Variants in SYTL4 observed in about 807,000 individuals in gnomAD.
SYTL4 encodes the protein synaptotagmin-like protein 4.
A neutral mutation model predicts 52.7 loss-of-function variants in SYTL4; 16 were observed. The observed-to-expected ratio is 0.30, with a 90% CI of 0.21 to 0.46. The LOEUF (loss-of-function observed/expected upper bound fraction) is 0.46, where lower values mean the gene tolerates loss of function less well. Ranked by LOEUF, SYTL4 falls within the 20% of genes least tolerant of loss-of-function variation. The pLI, the probability that SYTL4 is intolerant of heterozygous loss-of-function variation, is 1.00. For missense variants in SYTL4, 423 were observed against 519.9 expected, an observed-to-expected ratio of 0.81 and a Z score of 1.81; for synonymous variants, 160 against 186.6, an observed-to-expected ratio of 0.86 and a Z score of 1.16.
chrX:100,698,701 C>T, intron 8 of SYTL4, among the ~76,000 whole-genome samples: 1 of 111,952 alleles, frequency 8.9e-6, no homozygotes, highest in Non-Finnish European at 1.9e-5. Context: ...AATATAGCAC[C>T]TGCAAGCTCT....
intron 13 of SYTL4, chrX:100,687,676 A>G: frequency 8.2e-6 from 1 of 122,145 alleles, no homozygotes; most frequent in Non-Finnish European, 1.7e-5. Context: ...CTTATGTCTT[A>G]TCAGGGCCTA....
intron 2 of SYTL4, among the ~76,000 whole-genome samples, chrX:100,716,624 C>T (rs1404848065): frequency 2.8e-5 from 3 of 107,384 alleles, no homozygotes; most frequent in Non-Finnish European, 5.8e-5. Context: ...CTAAAATCCC[C>T]TTGTCTGGAT....
chrX:100,678,407 C>T lies in SYTL4; in HGVS notation c.1851G>A (p.Arg617=), dbSNP rs911282881. 9 of 1,207,058 alleles carry T rather than the reference C, an allele frequency of 7.5e-6. No homozygotes were observed. Among genetic ancestry groups the T allele is most frequent in the Non-Finnish European group, 1.0e-5 (9 of 893,028 alleles). Residue 617 remains arginine (R), a synonymous_variant, in exon 19 of 20, where the codon AGG becomes AGA. Transcript: ENST00000372989. ...GGATCTCACCAGTGCCAACACCCAG[C>T]CTGACCCCTCCCAGGAAGTCATTGC... ...LASNDFLGGV[R]LGVGTGISNG...
intron 8 of SYTL4, among the ~76,000 whole-genome samples, chrX:100,696,566 T>C (rs1047105904): frequency 8.0e-5 from 9 of 111,989 alleles, no homozygotes; most frequent in Non-Finnish European, 1.9e-5. Flanking sequence ...CTGTTCAAAT[T>C]TTTTGTGCAT....
intron 15 of SYTL4, 80 bp from the exon 16 acceptor site, chrX:100,686,231 C>G: frequency 9.9e-7 from 1 of 1,009,347 alleles, no homozygotes; most frequent in Non-Finnish European, 1.3e-6. Flanking sequence ...CCTGAGCAAC[C>G]ATTCCTGAAG....
intron 19 of SYTL4, among the ~76,000 whole-genome samples, chrX:100,676,643 C>A (rs976285539): frequency 1.8e-5 from 2 of 111,041 alleles, no homozygotes; most frequent in Non-Finnish European, 3.8e-5. Flanking sequence ...CGCCACCACG[C>A]CCAGCTAATT....
At chrX:100,726,240 T>C (rs191088681) in intron 2 of SYTL4, among the ~76,000 whole-genome samples, 110 of 110,955 alleles carry the variant, frequency 9.9e-4, no homozygotes, top group African/African-American at 3.1e-3. Context: ...TAAAACTTTT[T>C]TCCAGTTTTA....
rs2083369682 is a variant in SYTL4 at position 100,681,306 on chromosome X, T to C, written c.1479A>G (p.Pro493=). 1 of 1,211,058 alleles carries C rather than the reference T, an allele frequency of 8.3e-7. No homozygotes were observed. Among genetic ancestry groups the C allele is most frequent in the Non-Finnish European group, 1.1e-6 (1 of 894,985 alleles). The change falls in exon 17 of 20, where the codon CCA becomes CCG. Residue 493 remains proline (P), a synonymous_variant. Coordinates refer to ENST00000372989, the MANE Select transcript of SYTL4 (RefSeq NM_001370165.1). ...KISAESPTGL[P]SHKGELVVSL... is the part of the protein sequence containing the mutation. ...AAACCACCAACTCGCCTTTGTGTGA[T>C]GGCAAGCCAGTCGGGGACTCAGCAC...
In SYTL4 at chrX:100,701,641, C is replaced by T. The variant is rs984971149; in HGVS notation, c.143G>A (p.Arg48Lys). 12 of 1,211,696 alleles carry T rather than the reference C, an allele frequency of 9.9e-6. No homozygotes were observed. The highest frequency in any genetic ancestry group is 1.2e-5 in the Non-Finnish European group (11 of 895,527). Residue 48 changes from arginine to lysine, a missense_variant, in exon 6 of 20, where the codon AGG becomes AAG. Arg to Lys is a conservative substitution (Grantham distance 26). Transcript: ENST00000372989. ...RLKNELLEIK[R>K]KGAKRGSQHY... is the part of the protein sequence containing the mutation. The stretch of plus-strand genomic sequence containing the variant: ...TTGGCTGCCCCTCTTGGCCCCTTTC[C>T]TTTTTATCTCCAGTAACTCATTCTT...
chrX:100,715,559 G>T (rs1350331205), intron 2 of SYTL4, among the ~76,000 whole-genome samples: 1 of 111,642 alleles, frequency 9.0e-6, no homozygotes, highest in African/African-American at 3.3e-5. Context: ...TCATTCTGAT[G>T]ATTGTAATGC....
chrX:100,701,077 C>T (rs930928982), intron 7 of SYTL4, 78 bp from the exon 8 acceptor site: 7 of 912,766 alleles, frequency 7.7e-6, no homozygotes, highest in African/African-American at 2.0e-5. Flanking sequence ...AGCAAATCCC[C>T]TGAAATACAC....
intron 2 of SYTL4, among the ~76,000 whole-genome samples, chrX:100,729,075 C>G (rs1328135815): frequency 2.7e-5 from 3 of 109,998 alleles, no homozygotes; most frequent in African/African-American, 9.9e-5. Context: ...GTACTTCCAA[C>G]TAGGTCAAAG....
intron 12 of SYTL4, among the ~76,000 whole-genome samples, chrX:100,688,864 C>T (rs188588704): frequency 3.5e-4 from 39 of 110,290 alleles, no homozygotes; most frequent in Admixed American, 2.9e-4. Flanking sequence ...CATGCCTGGC[C>T]TCATATCCTT....
rs746151730 is a variant in SYTL4, at chrX:100,679,394, C to T, written c.1577G>A (p.Gly526Glu). 5 of 1,207,219 alleles carry T rather than the reference C, an allele frequency of 4.1e-6. No homozygotes were observed. Among genetic ancestry groups the T allele is most frequent in the East Asian group, 5.9e-5 (2 of 33,760 alleles). ...TTCTTTGATCCACACCTGGAGCTCT[C>T]CCCCTTCCCCACCTTTACCTGTAAG... ...DRKKSKGGEG[G>E]ELQVWIKEAK... Residue 526 changes from glycine (G) to glutamate (E), a missense_variant, in exon 18 of 20, where the codon GGA (glycine) becomes GAA (glutamate). Physicochemically the swap from Gly to Glu is moderately conservative, Grantham distance 98. Transcript: ENST00000372989.
intron 2 of SYTL4, among the ~76,000 whole-genome samples, chrX:100,722,182 A>G (rs1437914356): frequency 1.8e-5 from 2 of 111,317 alleles, no homozygotes; most frequent in Non-Finnish European, 3.8e-5. Flanking sequence ...TTAAAAAACC[A>G]TAGCTCTTCT....
At chrX:100,699,235 C>T (rs1264733979) in intron 8 of SYTL4, among the ~76,000 whole-genome samples, 4 of 107,000 alleles carry the variant, frequency 3.7e-5, no homozygotes, top group African/African-American at 1.0e-4. Context: ...GGCTTAGTGA[C>T]GCGTGCCTGT....
At chrX:100,721,306 T>C (rs890301296) in intron 2 of SYTL4, among the ~76,000 whole-genome samples, 13 of 111,459 alleles carry the variant, frequency 1.2e-4, no homozygotes, top group African/African-American at 3.6e-4. Flanking sequence ...CCCATATATG[T>C]AAATATTTGA....
chrX:100,701,697 G>A, intron 5 of SYTL4, 24 bp from the exon 6 acceptor site: 5 of 1,174,864 alleles, frequency 4.3e-6, no homozygotes, highest in Middle Eastern at 2.3e-4. Context: ...AAACAGAAGC[G>A]TAAGTGGATT....
At chrX:100,677,155 G>A (rs1160673092) in intron 19 of SYTL4, among the ~76,000 whole-genome samples, 1 of 112,237 alleles carries the variant, frequency 8.9e-6, no homozygotes, top group Non-Finnish European at 1.9e-5. Flanking sequence ...CTGAGAAGGT[G>A]ACATTTGAGC....
Sources: gnomAD v4.1 joint callset for allele counts (sites outside exome capture counted in the v4.1 genomes callset) on GRCh38, gnomAD v4.1.1 for gene constraint, MANE v1.5 for transcripts, NCBI Gene and HGNC (gene_info 2026-07-23, HGNC 2026-07-21) for gene names.